Variants in NPSR1 observed in about 807,000 individuals in gnomAD.
The protein encoded by NPSR1 is neuropeptide S receptor.
NPSR1 carries 48 observed loss-of-function variants against 46.9 expected under a neutral mutation model. That is an observed-to-expected ratio of 1.02 (90% CI 0.81 to 1.30). The LOEUF is 1.30. NPSR1 is among the 50% of genes most tolerant of loss of function. The pLI, the probability that NPSR1 is intolerant of heterozygous loss-of-function variation, is 0.00. For synonymous variants in NPSR1, 176 were observed against 168.1 expected (o/e 1.05, Z -0.36); for missense variants, 450 against 449.5 (o/e 1.00, Z -0.01).
intron 6 of NPSR1, among the ~76,000 whole-genome samples, chr7:34,842,270 A>G (rs1239104138): frequency 6.6e-6 from 1 of 152,254 alleles, no homozygotes; most frequent in African/African-American, 2.4e-5. Context: ...TAATTGGTAG[A>G]GACGGAGGAT....
At chr7:34,751,165 T>G (rs1202583267) in intron 2 of NPSR1, 7 of 1,043,214 alleles carry the variant, frequency 6.7e-6, no homozygotes, top group Middle Eastern at 4.1e-4. Context: ...AAGGTGAGCA[T>G]ATAGATGAGG....
intron 8 of NPSR1, among the ~76,000 whole-genome samples, chr7:34,876,986 C>G (rs954123155): frequency 2.0e-5 from 3 of 152,240 alleles, no homozygotes; most frequent in South Asian, 2.1e-4. Flanking sequence ...GAGCCTGAGT[C>G]CCCCATACAG....
At chr7:34,736,997 TTCTC>T (rs1245809185) in intron 2 of NPSR1, among the ~76,000 whole-genome samples, 1 of 136,718 alleles carries the variant, frequency 7.3e-6, no homozygotes, top group Non-Finnish European at 1.6e-5. Context: ...CTTTCTTACT[TTCTC>T]TCTCTTCTAA....
Position 34,671,193 on chromosome 7 carries a change from A to C in NPSR1, c.147+12634A>C, listed in dbSNP as rs551290742. Among the ~76,000 whole-genome samples the C allele has an allele frequency of 2.8e-3, 421 of 152,162 alleles. 4 individuals carry two copies. The highest frequency in any genetic ancestry group is 3.9e-3 in the Admixed American group (59 of 15,298). ...GTTAAAGGTTTTTAAAAGCACAATA[A>C]ATATAATATATTTCAAGTTTTATAT... is the stretch of plus-strand genomic sequence containing the variant. On this transcript the variant is annotated intron_variant, in intron 1 of 8. Coordinates refer to ENST00000360581, the MANE Select transcript of NPSR1 (RefSeq NM_207172.2).
downstream of NPSR1, among the ~76,000 whole-genome samples, chr7:34,850,431 C>T (rs867302905): frequency 7.3e-5 from 10 of 136,890 alleles, no homozygotes; most frequent in South Asian, 2.3e-4. Context: ...GACAGAGTCT[C>T]GCTCTGTCGC....
rs1790866589 is a variant in NPSR1, at chr7:34,849,498, A to G, written c.1026-67A>G. ...CATTTTTCATAACTATTGTCTCTTA[A>G]CATGTCTACTTGCCTTTTCATTAGG... On this transcript the variant is annotated intron_variant, in intron 8 of 8. Transcript: ENST00000360581. 4 of 1,604,828 alleles carry G rather than the reference A, an allele frequency of 2.5e-6. No individual in the cohort carries two copies. The South Asian group carries it at 3.3e-5, about 13-fold the overall frequency.
At chr7:34,791,974 A>G (rs766840781) in intron 3 of NPSR1, among the ~76,000 whole-genome samples, 6 of 152,158 alleles carry the variant, frequency 3.9e-5, no homozygotes, top group Non-Finnish European at 8.8e-5. Context: ...GGGAAAGGAC[A>G]GTCTCCTCAA....
At chr7:34,863,545 C>A (rs1791238161) in intron 8 of NPSR1, among the ~76,000 whole-genome samples, 1 of 151,618 alleles carries the variant, frequency 6.6e-6, no homozygotes, top group Admixed American at 6.6e-5. Context: ...AAAAAACAAC[C>A]CCATCAAAAA....
At chr7:34,762,550 A>G (rs547519146) in intron 2 of NPSR1, among the ~76,000 whole-genome samples, 1 of 152,230 alleles carries the variant, frequency 6.6e-6, no homozygotes, top group African/African-American at 2.4e-5. Flanking sequence ...TGTTTAAAAA[A>G]GAAAAGTAGA....
chr7:34,858,216 G>T (rs1439858652), intron 8 of NPSR1, among the ~76,000 whole-genome samples: 1 of 151,644 alleles, frequency 6.6e-6, no homozygotes, highest in African/African-American at 2.4e-5. Context: ...TGAATTATGT[G>T]CACCATAATA....
chr7:34,664,407 T>C (rs1204364914), intron 1 of NPSR1, among the ~76,000 whole-genome samples: 1 of 152,170 alleles, frequency 6.6e-6, no homozygotes, highest in East Asian at 1.9e-4. Flanking sequence ...GGAGTGTTCA[T>C]TATTCATAAT....
At chr7:34,663,475 G>A (rs561089478) in intron 1 of NPSR1, among the ~76,000 whole-genome samples, 1 of 152,248 alleles carries the variant, frequency 6.6e-6, no homozygotes, top group East Asian at 1.9e-4. Context: ...CCTCATGATA[G>A]ATGGGAAAAT....
chr7:34,750,413 C>T (rs1159342377), intron 2 of NPSR1: 7 of 744,640 alleles, frequency 9.4e-6, no homozygotes, highest in South Asian at 5.4e-5. Context: ...GTTCGGATGC[C>T]GATGGGTAGT....
intron 2 of NPSR1, among the ~76,000 whole-genome samples, chr7:34,723,973 A>C (rs928108340): frequency 6.6e-6 from 1 of 152,210 alleles, no homozygotes; most frequent in Non-Finnish European, 1.5e-5. Flanking sequence ...CAGAGAGAAA[A>C]ATTATCCATT....
intron 1 of NPSR1, among the ~76,000 whole-genome samples, chr7:34,674,711 C>G (rs530359269): frequency 6.6e-6 from 1 of 152,172 alleles, no homozygotes; most frequent in African/African-American, 2.4e-5. Context: ...ATGAGGGGCA[C>G]GGAAAGCTTT....
At chr7:34,782,274 A>C (rs2128738771) in intron 3 of NPSR1, among the ~76,000 whole-genome samples, 1 of 152,240 alleles carries the variant, frequency 6.6e-6, no homozygotes, top group South Asian at 2.1e-4. Flanking sequence ...TGGCTACTCC[A>C]TGAGTGTCAC....
chr7:34,774,378 G>T (rs1235645589), intron 2 of NPSR1, among the ~76,000 whole-genome samples: 1 of 152,174 alleles, frequency 6.6e-6, no homozygotes, highest in Non-Finnish European at 1.5e-5. Context: ...GCCTCTTCAT[G>T]CCAGTCTAGT....
intron 3 of NPSR1, among the ~76,000 whole-genome samples, chr7:34,786,126 T>A (rs568503656): frequency 4.4e-4 from 67 of 152,254 alleles, no homozygotes; most frequent in African/African-American, 1.6e-3. Context: ...TTACCCAGAG[T>A]AGAACTTCTT....
At chr7:34,695,319 A>G (rs1470987044) in intron 2 of NPSR1, among the ~76,000 whole-genome samples, 8 of 152,208 alleles carry the variant, frequency 5.3e-5, no homozygotes, top group Admixed American at 5.2e-4. Context: ...CTCAAGATAG[A>G]TCAAAGACTT....
Sources: allele counts gnomAD v4.1 joint callset (sites outside exome capture counted in the v4.1 genomes callset), GRCh38; gene constraint gnomAD v4.1.1; transcripts MANE v1.5; gene names NCBI Gene and HGNC (gene_info 2026-07-23, HGNC 2026-07-21).